The following NRXN3 variants were observed in gnomAD, a reference collection of about 807,000 sequenced individuals.
NRXN3 encodes neurexin III.
In NRXN3, 32 loss-of-function variants were observed where a neutral mutation model predicts 137.6. The observed-to-expected ratio is 0.23, with a 90% CI of 0.18 to 0.31. The LOEUF (loss-of-function observed/expected upper bound fraction) is 0.31. Among genes scored for constraint, NRXN3 ranks in the 10% least tolerant of loss-of-function variants. NRXN3 has a pLI of 1.00. For synonymous variants in NRXN3, 798 were observed against 784.5 expected, an observed-to-expected ratio of 1.02 and a Z score of -0.29; for missense variants, 1,574 against 2,062.5, an observed-to-expected ratio of 0.76 and a Z score of 4.59.
chr14:79,579,950 A>C (rs1602398205), intron 16 of NRXN3, among the ~76,000 whole-genome samples: 1 of 152,110 alleles, frequency 6.6e-6, no homozygotes, highest in Admixed American at 6.5e-5. Context: ...CCACCCACAC[A>C]CCCATTCCAG....
chr14:79,427,781 G>A (rs2095678380), intron 15 of NRXN3, among the ~76,000 whole-genome samples: 1 of 148,854 alleles, frequency 6.7e-6, no homozygotes, highest in African/African-American at 2.5e-5. Flanking sequence ...GAAGAGAGCT[G>A]AGATCGCACC....
intron 10 of NRXN3, among the ~76,000 whole-genome samples, chr14:78,830,676 A>G (rs1287461734): frequency 1.3e-5 from 2 of 151,864 alleles, no homozygotes; most frequent in South Asian, 2.1e-4. Context: ...ATAATAAAAT[A>G]GTATTTAGGA....
At chr14:78,436,366 A>T (rs2094066274) in intron 4 of NRXN3, among the ~76,000 whole-genome samples, 1 of 152,220 alleles carries the variant, frequency 6.6e-6, no homozygotes, top group Non-Finnish European at 1.5e-5. Flanking sequence ...CATTAATTAT[A>T]TTAACTCGTA....
chr14:79,286,749 G>A (rs1258806111), intron 15 of NRXN3, among the ~76,000 whole-genome samples: 9 of 151,882 alleles, frequency 5.9e-5, no homozygotes, highest in Non-Finnish European at 4.4e-5. Context: ...TATGGTTGGA[G>A]GAAATAGCCT....
At chr14:78,825,155 A>G (rs2098962643) in intron 10 of NRXN3, among the ~76,000 whole-genome samples, 1 of 149,660 alleles carries the variant, frequency 6.7e-6, no homozygotes, top group South Asian at 2.1e-4. Context: ...CGAGATTGCA[A>G]CACTGCACTC....
intron 2 of NRXN3, among the ~76,000 whole-genome samples, chr14:78,275,804 C>T (rs1409194911): frequency 6.6e-6 from 1 of 152,066 alleles, no homozygotes; most frequent in African/African-American, 2.4e-5. Context: ...GGGGGCTTTC[C>T]CTGGAAAACA....
chr14:79,127,247 A>G (rs182658964), intron 15 of NRXN3, among the ~76,000 whole-genome samples: 2,560 of 151,918 alleles, frequency 0.017, 72 homozygotes, highest in African/African-American at 0.059. Context: ...TGAAGTCCTC[A>G]CCCATGCCTA....
At chr14:79,222,387 T>C (rs1244630106) in intron 15 of NRXN3, among the ~76,000 whole-genome samples, 2 of 152,172 alleles carry the variant, frequency 1.3e-5, no homozygotes, top group South Asian at 2.1e-4. Context: ...TAATGTTCCC[T>C]TGTCTGGATG....
intron 8 of NRXN3, among the ~76,000 whole-genome samples, chr14:78,736,801 TAC>T (rs1347138547): frequency 1.2e-4 from 18 of 152,118 alleles, no homozygotes; most frequent in Admixed American, 1.2e-3. Context: ...ATAAGCAGAA[TAC>T]AGTAAAATAT....
intron 4 of NRXN3, among the ~76,000 whole-genome samples, chr14:78,310,767 T>G (rs1015980457): frequency 6.6e-6 from 1 of 152,104 alleles, no homozygotes; most frequent in Non-Finnish European, 1.5e-5. Context: ...AGTACTGATG[T>G]TAGTGTTTGA....
intron 19 of NRXN3, among the ~76,000 whole-genome samples, chr14:79,783,479 G>A (rs2099120278): frequency 6.6e-6 from 1 of 152,100 alleles, no homozygotes; most frequent in Admixed American, 6.6e-5. Flanking sequence ...AGACTAAACG[G>A]TATATTTCTA....
At chr14:78,648,880 G>C (rs1258814219) in intron 5 of NRXN3, among the ~76,000 whole-genome samples, 2 of 152,190 alleles carry the variant, frequency 1.3e-5, no homozygotes, top group East Asian at 3.9e-4. Context: ...GTGTTAGAGG[G>C]TGGGAAGGGA....
At chr14:79,214,763 T>C (rs1393199946) in intron 15 of NRXN3, among the ~76,000 whole-genome samples, 1 of 152,206 alleles carries the variant, frequency 6.6e-6, no homozygotes, top group Non-Finnish European at 1.5e-5. Context: ...TCAGTACTTT[T>C]GTGGGAAGAA....
chr14:79,080,578 A>C (rs1276433071), intron 15 of NRXN3, among the ~76,000 whole-genome samples: 1 of 152,130 alleles, frequency 6.6e-6, no homozygotes, highest in Non-Finnish European at 1.5e-5. Flanking sequence ...GATCTCTAGA[A>C]AGTTCATGTA....
intron 16 of NRXN3, among the ~76,000 whole-genome samples, chr14:79,471,620 T>A (rs1183845377): frequency 6.6e-6 from 1 of 152,166 alleles, no homozygotes. Flanking sequence ...TAAAGTCAGC[T>A]CCTGTGACAG....
intron 4 of NRXN3, among the ~76,000 whole-genome samples, chr14:78,533,258 G>A (rs1463903514): frequency 6.6e-6 from 1 of 151,628 alleles, no homozygotes; most frequent in Non-Finnish European, 1.5e-5. Flanking sequence ...GCTAATTTTT[G>A]TATTTTTAGT....
rs569372619 is a variant in NRXN3 at position 78,561,674 on chromosome 14, A to T, written c.758-83446A>T. Among the ~76,000 whole-genome samples the T allele has an allele frequency of 7.9e-5, 12 of 152,306 alleles. No individual in the cohort carries two copies. The South Asian group carries it at 2.5e-3, about 32-fold the overall frequency. The stretch of plus-strand genomic sequence containing the variant: ...GATTTTCAGTCCTACTCTACCTCGA[A>T]CACTCTTCCTGGAACATACTCCAAT... On this transcript the variant is annotated intron_variant, in intron 4 of 20. Coordinates refer to ENST00000335750, the MANE Select transcript of NRXN3 (RefSeq NM_001330195.2).
chr14:79,253,873 A>C (rs1278649370), intron 15 of NRXN3, among the ~76,000 whole-genome samples: 1 of 152,232 alleles, frequency 6.6e-6, no homozygotes, highest in East Asian at 1.9e-4. Flanking sequence ...ACACAGAGCC[A>C]AACGATATCA....
At position 78,405,614 on chromosome 14, in the gene NRXN3, G is replaced by GGGT. The variant is rs386381906; in HGVS notation, c.757+107756_757+107757insTGG. Among the ~76,000 whole-genome samples the GGGT allele has an allele frequency of 1.4e-4, 5 of 34,522 alleles. No individual in the cohort carries two copies. In the South Asian group the frequency reaches 6.1e-3, roughly 42 times the overall value. The allele number at this position is 34,522 out of a possible 152,430, so 22.6% of individuals were successfully genotyped here. A position where few individuals can be genotyped will look rare whatever the true frequency, so the allele number is the denominator to read the frequency against. ...TTAGAGTGGATGCTGGGGAAGGGGCGGGGGGGTTCCGGGTATCTGATGAAT... is the reference window on the plus strand; with the variant it reads ...TTAGAGTGGATGCTGGGGAAGGGGCGGGTGGGGGGTTCCGGGTATCTGATGAAT... On this transcript the variant is annotated intron_variant, in intron 4 of 20. Coordinates refer to ENST00000335750, the MANE Select transcript of NRXN3 (RefSeq NM_001330195.2).
Sources: gnomAD v4.1 joint callset for allele counts (sites outside exome capture counted in the v4.1 genomes callset) on GRCh38, gnomAD v4.1.1 for gene constraint, MANE v1.5 for transcripts, NCBI Gene and HGNC (gene_info 2026-07-23, HGNC 2026-07-21) for gene names.